Variants in ODR4 observed in about 807,000 individuals in gnomAD.
ODR4 encodes protein odr-4 homolog.
Under a neutral mutation model 60.2 loss-of-function variants are expected in ODR4, and 47 were observed. The observed-to-expected ratio is 0.78, with a 90% confidence interval of 0.62 to 1.00. The LOEUF is 1.00. ODR4 is among the 50% of genes least tolerant of loss of function. The pLI is 0.00. For synonymous variants in ODR4, 178 were observed against 175.5 expected (o/e 1.01, Z -0.11); for missense variants, 488 against 530.8 (o/e 0.92, Z 0.79).
At chr1:186,380,612 G>T (rs1659987882) in intron 2 of ODR4, among the ~76,000 whole-genome samples, 1 of 150,186 alleles carries the variant, frequency 6.7e-6, no homozygotes, top group South Asian at 2.1e-4. Context: ...CAGGCAAGCT[G>T]ACTGTGTCCA....
intron 11 of ODR4, among the ~76,000 whole-genome samples, chr1:186,403,766 G>C (rs2102067937): frequency 6.6e-6 from 1 of 151,518 alleles, no homozygotes; most frequent in Non-Finnish European, 1.5e-5. Context: ...ACTGTTATAA[G>C]TCTTCATTTG....
In ODR4 at chr1:186,420,991, C is replaced by T. The variant is rs1001444525; in HGVS notation, c.*1915C>T. On this transcript the variant is annotated 3_prime_UTR_variant, in exon 14 of 14. Transcript: ENST00000287859. ...CCAAATACAAGATTTTAAAAGCAACCATGGGGAGAAAAAGATCAGTGAAAG... is the reference window on the plus strand; with the variant it reads ...CCAAATACAAGATTTTAAAAGCAACTATGGGGAGAAAAAGATCAGTGAAAG... 2.6e-5 allele frequency: 4 copies of T among 152,052 alleles called. No homozygotes were observed. Among genetic ancestry groups the T allele is most frequent in the Non-Finnish European group, 5.9e-5 (4 of 68,006 alleles). The allele number at this position is 152,052 out of a possible 1,614,324, so 9.4% of individuals were successfully genotyped here. A position where few individuals can be genotyped will look rare whatever the true frequency, so the allele number is the denominator to read the frequency against.
intron 12 of ODR4, among the ~76,000 whole-genome samples, chr1:186,414,504 TG>T (rs1553238615): frequency 2.0e-5 from 3 of 151,010 alleles, no homozygotes; most frequent in Non-Finnish European, 4.4e-5. Flanking sequence ...GGCCCAAATA[TG>T]GGGGAAAAAA....
At chr1:186,426,597 T>C in the ODR4 span, among the ~76,000 whole-genome samples, 3 of 152,164 alleles carry the variant, frequency 2.0e-5, no homozygotes, top group Non-Finnish European at 4.4e-5. Flanking sequence ...TGTCACTCTT[T>C]GCATTCTACT....
At chr1:186,413,447 G>A (rs1299384088) in intron 12 of ODR4, among the ~76,000 whole-genome samples, 2 of 152,104 alleles carry the variant, frequency 1.3e-5, no homozygotes, top group African/African-American at 4.8e-5. Context: ...TGACTTAAGA[G>A]ATGAAGAACA....
Position 186,421,127 on chromosome 1 carries a change from C to G in ODR4, c.*2051C>G, listed in dbSNP as rs533946979. 6.6e-5 allele frequency: 10 copies of G among 152,210 alleles called. No individual in the cohort carries two copies. The highest frequency in any genetic ancestry group is 1.9e-4 in the African/African-American group (8 of 41,536). The allele number at this position is 152,210 out of a possible 1,614,324, so 9.4% of individuals were successfully genotyped here. ...GAATTTGCAACAAGCGAAACTGAAA[C>G]AAACAGATGCTCAGATGAAAAACAG... On this transcript the variant is annotated 3_prime_UTR_variant, in exon 14 of 14. Coordinates refer to ENST00000287859, the MANE Select transcript of ODR4 (RefSeq NM_017847.6).
intron 4 of ODR4, among the ~76,000 whole-genome samples, chr1:186,387,139 C>G (rs1660283892): frequency 6.6e-6 from 1 of 152,150 alleles, no homozygotes; most frequent in African/African-American, 2.4e-5. Flanking sequence ...CTGAGAACTT[C>G]AGATGTTACA....
At chr1:186,407,151 G>A (rs781281362) in intron 12 of ODR4, among the ~76,000 whole-genome samples, 46 of 151,998 alleles carry the variant, frequency 3.0e-4, no homozygotes, top group Non-Finnish European at 5.9e-4. Context: ...TTGTTTCAGT[G>A]GGGAAAATAA....
At chr1:186,400,921 G>A in intron 11 of ODR4, 1 of 841,052 alleles carries the variant, frequency 1.2e-6, no homozygotes, top group Admixed American at 2.2e-5. Context: ...CCCCATCTCA[G>A]TGTGGCTTTG....
intron 12 of ODR4, among the ~76,000 whole-genome samples, chr1:186,415,764 C>A (rs1004965617): frequency 6.6e-6 from 1 of 152,250 alleles, no homozygotes; most frequent in Non-Finnish European, 1.5e-5. Context: ...CACACACTTT[C>A]ATTCAGCATT....
chr1:186,388,356 G>C, intron 4 of ODR4, 86 bp from the exon 5 acceptor site: 3 of 694,080 alleles, frequency 4.3e-6, no homozygotes, highest in Non-Finnish European at 7.0e-6. Context: ...CTAAATGAGA[G>C]TTGGGGACAT....
chr1:186,392,678 A>G (rs1660512548), intron 8 of ODR4, among the ~76,000 whole-genome samples: 1 of 148,294 alleles, frequency 6.7e-6, no homozygotes, highest in Non-Finnish European at 1.5e-5. Context: ...TTAGCTGGGC[A>G]TTGGTGGCAG....
Position 186,398,596 on chromosome 1 carries a change from G to C in ODR4, c.909+155G>C, listed in dbSNP as rs75848596. ...TCCAAATGTACCATATAATTGGTGTGAAGATTTTCATATGTAGAGTATCTA... is the reference window on the plus strand; with the variant it reads ...TCCAAATGTACCATATAATTGGTGTCAAGATTTTCATATGTAGAGTATCTA... On this transcript the variant is annotated intron_variant, in intron 10 of 13. Transcript: ENST00000287859. Among the ~76,000 whole-genome samples, 1,259 of 152,246 alleles carry C rather than the reference G, an allele frequency of 8.3e-3. 25 individuals carry two copies. The highest frequency in any genetic ancestry group is 0.029 in the African/African-American group (1,211 of 41,536).
At chr1:186,429,787 A>G in the ODR4 span, among the ~76,000 whole-genome samples, 4 of 152,212 alleles carry the variant, frequency 2.6e-5, no homozygotes, top group Non-Finnish European at 4.4e-5. Context: ...TAACCAATGC[A>G]TAATAAATAC....
At chr1:186,396,646 A>G (rs1558076531) in intron 9 of ODR4, among the ~76,000 whole-genome samples, 1 of 151,862 alleles carries the variant, frequency 6.6e-6, no homozygotes, top group Admixed American at 6.6e-5. Context: ...CAACCAAAAA[A>G]ATACCTCTTT....
chr1:186,434,216 TATTA>T, the ODR4 span, among the ~76,000 whole-genome samples: 4 of 152,296 alleles, frequency 2.6e-5, no homozygotes, highest in African/African-American at 7.2e-5. Flanking sequence ...ATTTGTCTGA[TATTA>T]ATTGATACTT....
chr1:186,401,528 CCTTCCT>C (rs1467888219), intron 11 of ODR4: 1 of 184,662 alleles, frequency 5.4e-6, no homozygotes, highest in Non-Finnish European at 1.2e-5. Context: ...TTCCTTCCTT[CCTTCCT>C]CTCTTTCTCT....
At chr1:186,427,112 G>A in the ODR4 span, among the ~76,000 whole-genome samples, 1 of 152,144 alleles carries the variant, frequency 6.6e-6, no homozygotes, top group South Asian at 2.1e-4. Flanking sequence ...TGACTGATTA[G>A]GGTGGTGGTT....
chr1:186,395,629 A>G (rs1463082155), intron 9 of ODR4, among the ~76,000 whole-genome samples: 1 of 152,174 alleles, frequency 6.6e-6, no homozygotes, highest in African/African-American at 2.4e-5. Flanking sequence ...CTAAACTAGC[A>G]CAAGTAGCCC....
Sources: allele counts gnomAD v4.1 joint callset (sites outside exome capture counted in the v4.1 genomes callset), GRCh38; gene constraint gnomAD v4.1.1; transcripts MANE v1.5; gene names NCBI Gene and HGNC (gene_info 2026-07-23, HGNC 2026-07-21).